The following TPD52L1 variants were observed in gnomAD, a reference collection of about 807,000 sequenced individuals.
The protein encoded by TPD52L1 is TPD52 like 1.
In TPD52L1, 18 loss-of-function variants were observed where a neutral mutation model predicts 28.7. The observed-to-expected ratio is 0.63, with a 90% CI of 0.43 to 0.93. The LOEUF is 0.93. Ranked by LOEUF, TPD52L1 falls within the 40% of genes least tolerant of loss-of-function variation. The probability of loss-of-function intolerance (pLI) is 0.00; values close to 1 mark genes in which losing one functional copy is unlikely to be tolerated. For missense variants in TPD52L1, 203 were observed against 254.8 expected (o/e 0.80, Z 1.39); for synonymous variants, 75 against 88.8 (o/e 0.84, Z 0.88).
At chr6:125,158,375 C>A (rs577913559) in intron 1 of TPD52L1, among the ~76,000 whole-genome samples, 1 of 151,084 alleles carries the variant, frequency 6.6e-6, no homozygotes, top group Non-Finnish European at 1.5e-5. Flanking sequence ...TTACATTATA[C>A]TTTATACTTA....
At chr6:125,229,000 C>A in intron 2 of TPD52L1, 118 bp from the exon 3 acceptor site, 1 of 1,054,296 alleles carries the variant, frequency 9.5e-7, no homozygotes, top group Non-Finnish European at 1.4e-6. Flanking sequence ...GGCAAACCTA[C>A]ACATGGGATT....
intron 1 of TPD52L1, among the ~76,000 whole-genome samples, chr6:125,176,094 G>A (rs1032494417): frequency 7.1e-6 from 1 of 139,866 alleles, no homozygotes; most frequent in African/African-American, 2.7e-5. Context: ...GTGATTTTCA[G>A]GGTGATCACA....
At chr6:125,154,537 G>C in intron 1 of TPD52L1, 1 of 938,414 alleles carries the variant, frequency 1.1e-6, no homozygotes, top group Non-Finnish European at 1.2e-6. Flanking sequence ...CCACACGTGA[G>C]TCCCGGTTTC....
chr6:125,161,827 G>A (rs2114741606), intron 1 of TPD52L1, among the ~76,000 whole-genome samples: 1 of 152,260 alleles, frequency 6.6e-6, no homozygotes, highest in Non-Finnish European at 1.5e-5. Context: ...AATATTGTGA[G>A]AGTTACTAAA....
chr6:125,200,611 T>C (rs1459953456), intron 1 of TPD52L1, among the ~76,000 whole-genome samples: 1 of 152,222 alleles, frequency 6.6e-6, no homozygotes, highest in Non-Finnish European at 1.5e-5. Flanking sequence ...ATTTGGTACA[T>C]ATCCTTTCTC....
intron 1 of TPD52L1, chr6:125,203,872 T>A (rs1003337933): frequency 1.2e-6 from 1 of 824,846 alleles, no homozygotes; most frequent in Non-Finnish European, 1.5e-6. Context: ...AAACAGTTTA[T>A]AAACAATTTC....
intron 1 of TPD52L1, among the ~76,000 whole-genome samples, chr6:125,183,436 G>A (rs886445313): frequency 2.0e-5 from 3 of 152,086 alleles, no homozygotes; most frequent in African/African-American, 7.2e-5. Flanking sequence ...CTGAGATTGT[G>A]CCACTTCACT....
intron 1 of TPD52L1, 171 bp from the exon 2 acceptor site, chr6:125,219,907 C>A: frequency 1.5e-6 from 1 of 663,742 alleles, no homozygotes; most frequent in Non-Finnish European, 2.7e-6. Context: ...GTATTCTTTG[C>A]TTTCTTGGAG....
intron 3 of TPD52L1, among the ~76,000 whole-genome samples, chr6:125,235,998 T>C (rs1303952433): frequency 2.6e-5 from 4 of 152,186 alleles, no homozygotes; most frequent in Non-Finnish European, 5.9e-5. Context: ...ACTGGTACTG[T>C]AGAAAGCTGA....
intron 1 of TPD52L1, among the ~76,000 whole-genome samples, chr6:125,155,637 T>C (rs1790067615): frequency 6.6e-6 from 1 of 152,216 alleles, no homozygotes; most frequent in Non-Finnish European, 1.5e-5. Flanking sequence ...ATTAATTTGA[T>C]AGCTATTTGA....
chr6:125,262,086 T>C (rs1218628244), intron 6 of TPD52L1: 1 of 152,232 alleles, frequency 6.6e-6, no homozygotes, highest in Non-Finnish European at 1.5e-5. Context: ...AAGCCCCTTG[T>C]AGAAGCATCA....
At chr6:125,244,685 C>A (rs142341831) in intron 3 of TPD52L1, among the ~76,000 whole-genome samples, 3 of 152,314 alleles carry the variant, frequency 2.0e-5, no homozygotes, top group Non-Finnish European at 4.4e-5. Flanking sequence ...TGCCTCCATT[C>A]TTCTGGGGGA....
At chr6:125,220,703 G>A (rs1795177226) in intron 2 of TPD52L1, among the ~76,000 whole-genome samples, 1 of 152,212 alleles carries the variant, frequency 6.6e-6, no homozygotes, top group South Asian at 2.1e-4. Flanking sequence ...AGAGAGGAAA[G>A]CAATGCTTCA....
intron 1 of TPD52L1, among the ~76,000 whole-genome samples, chr6:125,160,495 G>C (rs1790446540): frequency 6.6e-6 from 1 of 152,124 alleles, no homozygotes; most frequent in Non-Finnish European, 1.5e-5. Context: ...AAAGTGTTGG[G>C]ATTACAGTCA....
intron 1 of TPD52L1, among the ~76,000 whole-genome samples, chr6:125,207,764 A>G (rs1169307604): frequency 6.6e-6 from 1 of 152,094 alleles, no homozygotes; most frequent in Non-Finnish European, 1.5e-5. Context: ...TGTTCATGCT[A>G]TTTGCTGTGC....
chr6:125,232,931 G>A (rs1487714535), intron 3 of TPD52L1, among the ~76,000 whole-genome samples: 1 of 152,036 alleles, frequency 6.6e-6, no homozygotes, highest in Non-Finnish European at 1.5e-5. Flanking sequence ...GCCTTTTTAT[G>A]TTGTCTTTAG....
At chr6:125,242,752 A>C (rs550289672) in intron 3 of TPD52L1, among the ~76,000 whole-genome samples, 1 of 152,152 alleles carries the variant, frequency 6.6e-6, no homozygotes, top group South Asian at 2.1e-4. Context: ...TTTTGCCATC[A>C]TGCGTCTTTT....
intron 1 of TPD52L1, among the ~76,000 whole-genome samples, chr6:125,201,071 A>T (rs1238584222): frequency 2.6e-5 from 4 of 152,230 alleles, no homozygotes; most frequent in Non-Finnish European, 4.4e-5. Flanking sequence ...CATTCATTAC[A>T]GAGGGCATAG....
At chr6:125,187,973 G>A (rs933804687) in intron 1 of TPD52L1, among the ~76,000 whole-genome samples, 1 of 151,940 alleles carries the variant, frequency 6.6e-6, no homozygotes, top group Non-Finnish European at 1.5e-5. Context: ...ATTAGCTGGG[G>A]TATGGTGGAG....
Sources: allele counts gnomAD v4.1 joint callset (sites outside exome capture counted in the v4.1 genomes callset), GRCh38; gene constraint gnomAD v4.1.1; transcripts MANE v1.5; gene names NCBI Gene and HGNC (gene_info 2026-07-23, HGNC 2026-07-21).